CFTR: variants seen among roughly 807,000 people sequenced by gnomAD.
CFTR encodes the protein CF transmembrane conductance regulator.
Under a neutral mutation model 171.6 loss-of-function variants are expected in CFTR, and 181 were observed. The ratio of observed to expected loss-of-function variants is 1.05; its 90% CI spans 0.93 to 1.19. The LOEUF (loss-of-function observed/expected upper bound fraction) is 1.19. Ranked by LOEUF, CFTR falls within the 50% of genes most tolerant of loss-of-function variation. The probability of loss-of-function intolerance (pLI) is 0.00; values close to 1 mark genes in which losing one functional copy is unlikely to be tolerated. For synonymous variants in CFTR, 583 were observed against 608.0 expected (o/e 0.96, Z 0.60); for missense variants, 1,968 against 1,734.7 (o/e 1.13, Z -2.39).
intron 11 of CFTR, among the ~76,000 whole-genome samples, chr7:117,565,566 G>T (rs1286224840): frequency 1.3e-5 from 2 of 152,150 alleles, no homozygotes; most frequent in Non-Finnish European, 2.9e-5. Flanking sequence ...GAGTGAGAAG[G>T]AGGTCAGAGC....
At chr7:117,603,845 T>G in intron 17 of CFTR, 63 bp downstream of exon 17, 1 of 1,592,668 alleles carries the variant, frequency 6.3e-7, no homozygotes, top group Non-Finnish European at 8.6e-7. Context: ...TGTGGTTTTG[T>G]TGGTTTTCTA....
chr7:117,566,560 AG>A (rs1394412437), intron 11 of CFTR, among the ~76,000 whole-genome samples: 1 of 152,102 alleles, frequency 6.6e-6, no homozygotes, highest in African/African-American at 2.4e-5. Flanking sequence ...TAAGCTTCAA[AG>A]TACTGACACT....
chr7:117,605,249 A>G (rs1007721403), intron 17 of CFTR, among the ~76,000 whole-genome samples: 1 of 152,168 alleles, frequency 6.6e-6, no homozygotes, highest in African/African-American at 2.4e-5. Flanking sequence ...CTTTCCACCA[A>G]AGCAAATTTC....
At chr7:117,614,857 CT>C (rs1174764505) in intron 21 of CFTR, 144 bp downstream of exon 21, 7 of 667,986 alleles carry the variant, frequency 1.0e-5, no homozygotes, top group African/African-American at 1.8e-5. Flanking sequence ...CACTGTGTAT[CT>C]GTCATTAAAT....
At chr7:117,594,852 C>A in intron 14 of CFTR, 78 bp from the exon 15 acceptor site, 1 of 1,276,348 alleles carries the variant, frequency 7.8e-7, no homozygotes, top group Admixed American at 1.8e-5. Flanking sequence ...CTTTTATTTT[C>A]ATATATTAAA....
At chr7:117,487,404 G>A (rs1488445932) in intron 1 of CFTR, among the ~76,000 whole-genome samples, 1 of 152,094 alleles carries the variant, frequency 6.6e-6, no homozygotes, top group East Asian at 1.9e-4. Context: ...GCTAACTGAT[G>A]TCTGAACCTC....
chr7:117,565,351 C>T (rs565898845), intron 11 of CFTR, among the ~76,000 whole-genome samples: 2 of 152,274 alleles, frequency 1.3e-5, no homozygotes, highest in East Asian at 3.9e-4. Context: ...AATTTCCAGA[C>T]TACCACTTCT....
At chr7:117,594,019 T>C (rs1042141373) in intron 14 of CFTR, among the ~76,000 whole-genome samples, 13 of 152,214 alleles carry the variant, frequency 8.5e-5, no homozygotes, top group African/African-American at 3.1e-4. Flanking sequence ...TATTAATGGA[T>C]TGCATCTAGT....
At chr7:117,536,425 A>G (rs962597630) in intron 6 of CFTR, 123 bp from the exon 7 acceptor site, 32 of 990,368 alleles carry the variant, frequency 3.2e-5, no homozygotes, top group East Asian at 1.1e-4. Flanking sequence ...CTATTTGATA[A>G]TAAAATAATG....
chr7:117,492,344 G>A (rs1401798989), intron 1 of CFTR, among the ~76,000 whole-genome samples: 1 of 151,740 alleles, frequency 6.6e-6, no homozygotes, highest in Non-Finnish European at 1.5e-5. Context: ...ATTGAAAAAT[G>A]TTTTGACCTT....
In CFTR at chr7:117,480,088, A is replaced by G; in HGVS notation, c.-7A>G. On this transcript the variant is annotated 5_prime_UTR_variant, in exon 1 of 27. Coordinates refer to ENST00000003084, the MANE Select transcript of CFTR (RefSeq NM_000492.4). The stretch of plus-strand genomic sequence containing the variant: ...GCCCTAGCAGGGACCCCAGCGCCCG[A>G]GAGACCATGCAGAGGTCGCCTCTGG... The G allele has an allele frequency of 6.2e-7, 1 of 1,613,928 alleles. No individual in the cohort carries two copies. Among genetic ancestry groups the G allele is most frequent in the Non-Finnish European group, 8.5e-7 (1 of 1,179,946 alleles).
intron 10 of CFTR, among the ~76,000 whole-genome samples, chr7:117,554,541 G>A (rs1206061842): frequency 6.6e-6 from 1 of 152,078 alleles, no homozygotes; most frequent in Admixed American, 6.5e-5. Flanking sequence ...TAGTTTCAAG[G>A]AAGAGGGGGC....
chr7:117,492,141 A>AAAC (rs1207904830), intron 1 of CFTR, among the ~76,000 whole-genome samples: 2 of 152,050 alleles, frequency 1.3e-5, no homozygotes, highest in African/African-American at 4.8e-5. Context: ...GATGAAGGCC[A>AAAC]AACTTAGGAA....
chr7:117,664,262 C>T (rs2116219670), intron 24 of CFTR, among the ~76,000 whole-genome samples: 1 of 152,258 alleles, frequency 6.6e-6, no homozygotes, highest in South Asian at 2.1e-4. Flanking sequence ...ATTCTATCTT[C>T]TGTCTACATA....
In CFTR at chr7:117,592,509, A is replaced by G. The variant is rs2116033074; in HGVS notation, c.2342A>G (p.Gln781Arg). ...NLMTHSVNQG[Q>R]NIHRKTTAST... Reference sequence around the variant, plus strand: ...ATGACACACTCAGTTAACCAAGGTCAGAACATTCACCGAAAGACAACAGCA... The same window carrying G: ...ATGACACACTCAGTTAACCAAGGTCGGAACATTCACCGAAAGACAACAGCA... Residue 781 changes from glutamine to arginine, a missense_variant, in exon 14 of 27, where the codon CAG becomes CGG. Transcript: ENST00000003084. The G allele has an allele frequency of 6.5e-7, 1 of 1,534,002 alleles. No homozygotes were observed. The highest frequency in any genetic ancestry group is 8.7e-7 in the Non-Finnish European group (1 of 1,144,296).
chr7:117,605,492 T>A (rs191781202), intron 17 of CFTR, among the ~76,000 whole-genome samples: 1 of 152,176 alleles, frequency 6.6e-6, no homozygotes, highest in Admixed American at 6.5e-5. Flanking sequence ...TTATGATATG[T>A]TTATAAGTTC....
At chr7:117,641,178 G>A (rs35553213) in intron 22 of CFTR, among the ~76,000 whole-genome samples, 5,547 of 152,134 alleles carry the variant, frequency 0.036, 140 homozygotes, top group African/African-American at 0.047. Flanking sequence ...TGTCATTATT[G>A]CTTATCAGCT....
At chr7:117,591,732 A>C (rs921131776) in intron 13 of CFTR, among the ~76,000 whole-genome samples, 2 of 152,154 alleles carry the variant, frequency 1.3e-5, no homozygotes, top group Non-Finnish European at 2.9e-5. Flanking sequence ...CAACTTTTCA[A>C]TATAGCATGT....
At chr7:117,628,399 T>A (rs1792688799) in intron 22 of CFTR, among the ~76,000 whole-genome samples, 1 of 152,210 alleles carries the variant, frequency 6.6e-6, no homozygotes, top group African/African-American at 2.4e-5. Flanking sequence ...ATTATCCATA[T>A]ACTTCAGGCT....
Sources: allele counts gnomAD v4.1 joint callset (sites outside exome capture counted in the v4.1 genomes callset), GRCh38; gene constraint gnomAD v4.1.1; transcripts MANE v1.5; gene names NCBI Gene and HGNC (gene_info 2026-07-23, HGNC 2026-07-21).